OXR1: variants seen among roughly 807,000 people sequenced by gnomAD.
The protein encoded by OXR1 is oxidation resistance protein 1.
A neutral mutation model predicts 104.6 loss-of-function variants in OXR1; 41 were observed. The ratio of observed to expected loss-of-function variants is 0.39; its 90% confidence interval spans 0.31 to 0.51. The LOEUF (loss-of-function observed/expected upper bound fraction) is 0.51, where lower values mean the gene tolerates loss of function less well. Ranked by LOEUF, OXR1 falls within the 20% of genes least tolerant of loss-of-function variation. The pLI, the probability that OXR1 is intolerant of heterozygous loss-of-function variation, is 0.77. For missense variants in OXR1, 955 were observed against 1,031.9 expected (o/e 0.93, Z 1.02); for synonymous variants, 348 against 348.4 (o/e 1.00, Z 0.01).
intron 1 of OXR1, among the ~76,000 whole-genome samples, chr8:106,332,302 T>G (rs1814750948): frequency 6.6e-6 from 1 of 152,182 alleles, no homozygotes; most frequent in Non-Finnish European, 1.5e-5. Context: ...ATCTTCCAGT[T>G]GGATATCCAC....
intron 2 of OXR1, among the ~76,000 whole-genome samples, chr8:106,460,793 T>C (rs2130647002): frequency 6.6e-6 from 1 of 152,266 alleles, no homozygotes; most frequent in Non-Finnish European, 1.5e-5. Context: ...CTAAGACAGA[T>C]GACTGATGGA....
At chr8:106,462,472 C>T (rs954256166) in intron 2 of OXR1, among the ~76,000 whole-genome samples, 15 of 152,114 alleles carry the variant, frequency 9.9e-5, no homozygotes, top group African/African-American at 3.6e-4. Flanking sequence ...CTTTGCTTCT[C>T]TGAATGAATA....
chr8:106,411,385 T>A (rs1026910303), intron 2 of OXR1, among the ~76,000 whole-genome samples: 6 of 152,276 alleles, frequency 3.9e-5, no homozygotes, highest in Non-Finnish European at 7.4e-5. Flanking sequence ...CTGTGCAGTG[T>A]ACAAATGGCA....
At chr8:106,574,811 A>T (rs1431435282) in intron 3 of OXR1, among the ~76,000 whole-genome samples, 1 of 152,256 alleles carries the variant, frequency 6.6e-6, no homozygotes, top group Admixed American at 6.5e-5. Context: ...AGATTCCAGC[A>T]TGTAAAAAAT....
At chr8:106,513,262 T>G (rs1586742928) in intron 2 of OXR1, among the ~76,000 whole-genome samples, 1 of 152,242 alleles carries the variant, frequency 6.6e-6, no homozygotes, top group East Asian at 1.9e-4. Flanking sequence ...CTGGTTGAAA[T>G]GGGATTGAAC....
intron 15 of OXR1, among the ~76,000 whole-genome samples, chr8:106,744,897 C>T (rs1445241680): frequency 6.6e-6 from 1 of 152,116 alleles, no homozygotes; most frequent in African/African-American, 2.4e-5. Context: ...TTGTACTTAA[C>T]TAGCTCACCA....
At chr8:106,455,453 A>G (rs556787913) in intron 2 of OXR1, among the ~76,000 whole-genome samples, 10 of 152,340 alleles carry the variant, frequency 6.6e-5, no homozygotes, top group Admixed American at 2.6e-4. Flanking sequence ...AATACTGTCT[A>G]TTGATAAAAA....
intron 2 of OXR1, among the ~76,000 whole-genome samples, chr8:106,474,177 G>C (rs1325045575): frequency 6.6e-6 from 1 of 150,840 alleles, no homozygotes; most frequent in East Asian, 2.0e-4. Flanking sequence ...TGTGACAGGG[G>C]TAAATCTTAT....
At chr8:106,672,516 AAGAG>A (rs67500143) in intron 3 of OXR1, among the ~76,000 whole-genome samples, 83,469 of 145,662 alleles carry the variant, frequency 0.57, 24,294 homozygotes, top group Admixed American at 0.63. Context: ...GAAAGAAAGA[AAGAG>A]AGAGAGAGAG....
chr8:106,297,123 T>A (rs1563701779), intron 1 of OXR1, among the ~76,000 whole-genome samples: 1 of 152,200 alleles, frequency 6.6e-6, no homozygotes, highest in African/African-American at 2.4e-5. Context: ...ATGAATACAG[T>A]AATCTGTATA....
intron 3 of OXR1, among the ~76,000 whole-genome samples, chr8:106,586,607 GCAA>G (rs1458471506): frequency 1.3e-5 from 2 of 152,304 alleles, no homozygotes; most frequent in East Asian, 3.9e-4. Flanking sequence ...ATGGGTGATA[GCAA>G]AAACCATGGA....
rs538198390 is a variant in OXR1, at chr8:106,287,451, C to T, written c.-139+17084C>T. ...TTCAGTGACCAGAAAACAGTGTCAT[C>T]CAAGGTGTGGTCTGAATGGTCTCCA... On this transcript the variant is annotated intron_variant, in intron 1 of 16. Coordinates refer to ENST00000517566, the MANE Select transcript of OXR1 (RefSeq NM_001198533.2). Among the ~76,000 whole-genome samples, 10 of 152,244 alleles carry T rather than the reference C, an allele frequency of 6.6e-5. No individual in the cohort carries two copies. The South Asian group carries it at 2.1e-3, about 32-fold the overall frequency.
intron 2 of OXR1, among the ~76,000 whole-genome samples, chr8:106,475,695 C>A (rs1821765141): frequency 6.6e-6 from 1 of 151,904 alleles, no homozygotes; most frequent in Non-Finnish European, 1.5e-5. Flanking sequence ...ATAATTGGAA[C>A]CCTTCTGCCA....
chr8:106,715,769 T>A (rs1296600955), intron 11 of OXR1, among the ~76,000 whole-genome samples: 1 of 152,142 alleles, frequency 6.6e-6, no homozygotes. Flanking sequence ...AAGAGACTAT[T>A]GACTATTTTG....
At chr8:106,732,028 T>C (rs1833937277) in intron 11 of OXR1, among the ~76,000 whole-genome samples, 1 of 152,182 alleles carries the variant, frequency 6.6e-6, no homozygotes, top group Non-Finnish European at 1.5e-5. Flanking sequence ...TTCCTATCTA[T>C]GAATGTGGGA....
chr8:106,662,839 GGAT>G (rs5893799), intron 3 of OXR1, among the ~76,000 whole-genome samples: 4,475 of 149,062 alleles, frequency 0.03, 73 homozygotes, highest in East Asian at 0.052. Context: ...TCAGTAAATG[GGAT>G]GATGATGATG....
At chr8:106,734,252 T>G (rs1834177421) in intron 11 of OXR1, among the ~76,000 whole-genome samples, 1 of 152,184 alleles carries the variant, frequency 6.6e-6, no homozygotes, top group African/African-American at 2.4e-5. Context: ...AATTCAGGTC[T>G]TATTTTGTAA....
intron 1 of OXR1, among the ~76,000 whole-genome samples, chr8:106,343,255 C>A (rs1815329842): frequency 6.6e-6 from 1 of 152,186 alleles, no homozygotes; most frequent in Non-Finnish European, 1.5e-5. Context: ...TACTCAAAAT[C>A]CTTCCCTGGC....
At chr8:106,299,658 C>T (rs16874315) in intron 1 of OXR1, among the ~76,000 whole-genome samples, 25,146 of 151,914 alleles carry the variant, frequency 0.17, 2,499 homozygotes, top group African/African-American at 0.27. Flanking sequence ...AATGTCATTG[C>T]GACACTATTT....
Sources: gnomAD v4.1 joint callset for allele counts (sites outside exome capture counted in the v4.1 genomes callset) on GRCh38, gnomAD v4.1.1 for gene constraint, MANE v1.5 for transcripts, NCBI Gene and HGNC (gene_info 2026-07-23, HGNC 2026-07-21) for gene names.